TTBK2: variants seen among roughly 807,000 people sequenced by gnomAD.
TTBK2 encodes tau-tubulin kinase 2.
A neutral mutation model predicts 110.8 loss-of-function variants in TTBK2; 28 were observed. The ratio of observed to expected loss-of-function variants is 0.25; its 90% CI spans 0.19 to 0.35. The LOEUF (loss-of-function observed/expected upper bound fraction) is 0.35, where lower values mean the gene tolerates loss of function less well. Ranked by LOEUF, TTBK2 falls within the 10% of genes least tolerant of loss-of-function variation. TTBK2 has a pLI of 1.00. For missense variants in TTBK2, 1,369 were observed against 1,500.3 expected (o/e 0.91, Z 1.45); for synonymous variants, 532 against 527.3 (o/e 1.01, Z -0.12).
rs1232046249 is a variant in TTBK2 at position 42,742,577 on chromosome 15, G to A, written c.*3218C>T. 1 of 152,196 alleles carries A rather than the reference G, an allele frequency of 6.6e-6. No homozygotes were observed. Among genetic ancestry groups the A allele is most frequent in the African/African-American group, 2.4e-5 (1 of 41,432 alleles). The allele number at this position is 152,196 out of a possible 1,614,324, so 9.4% of individuals were successfully genotyped here. On this transcript the variant is annotated 3_prime_UTR_variant, in exon 15 of 15. Transcript: ENST00000267890. Reference sequence around the variant, plus strand: ...GAGAAATGCTACCTAAAGTGATTGAGCTGTTGCTAATTCTACCTTCTGTTC... The same window carrying A: ...GAGAAATGCTACCTAAAGTGATTGAACTGTTGCTAATTCTACCTTCTGTTC...
Position 42,746,090 on chromosome 15 carries a change from G to A in TTBK2, c.3440C>T (p.Pro1147Leu). ...AGGAGAGGCACTGGGACTCCTGCGA[G>A]GGACAACTGGACTCTTGGGTGGTGT... ...PKTPPKSPVV[P>L]RRSPSASPRS... Residue 1147 changes from proline (P) to leucine (L), a missense_variant, in exon 15 of 15, where the codon CCT becomes CTT. Coordinates refer to ENST00000267890, the MANE Select transcript of TTBK2 (RefSeq NM_173500.4). The A allele has an allele frequency of 6.2e-7, 1 of 1,614,168 alleles. No individual in the cohort carries two copies. Among genetic ancestry groups the A allele is most frequent in the Non-Finnish European group, 8.5e-7 (1 of 1,180,042 alleles).
rs1224834191 is a variant in TTBK2, at chr15:42,801,384, A to C, written c.823-6583T>G. The C allele has an allele frequency of 2.2e-6, 3 of 1,338,300 alleles. No homozygotes were observed. The African/African-American group carries it at 4.3e-5, about 19-fold the overall frequency. The allele number at this position is 1,338,300 out of a possible 1,614,324, so 82.9% of individuals were successfully genotyped here. On this transcript the variant is annotated intron_variant, in intron 9 of 14. Coordinates refer to ENST00000267890, the MANE Select transcript of TTBK2 (RefSeq NM_173500.4). ...CTTGGCATTGGCATCCTTAATGGCT[A>C]GCTCCCCACGCTGCTCGGTATCTGC...
chr15:42,771,268 C>T (rs1404179272), intron 13 of TTBK2, among the ~76,000 whole-genome samples: 1 of 152,020 alleles, frequency 6.6e-6, no homozygotes, highest in Non-Finnish European at 1.5e-5. Flanking sequence ...CCACCACGCC[C>T]GGCCTGAAGC....
intron 13 of TTBK2, among the ~76,000 whole-genome samples, chr15:42,757,469 G>A (rs2061964460): frequency 6.6e-6 from 1 of 152,188 alleles, no homozygotes; most frequent in South Asian, 2.1e-4. Context: ...AGAAGTCATA[G>A]ATAGGACTTC....
chr15:42,755,593 T>C (rs2061935424), intron 13 of TTBK2, among the ~76,000 whole-genome samples: 1 of 152,180 alleles, frequency 6.6e-6, no homozygotes, highest in African/African-American at 2.4e-5. Context: ...GACAGGCAAT[T>C]TGGGTTTAGA....
chr15:42,769,415 A>G (rs953493936), intron 13 of TTBK2, among the ~76,000 whole-genome samples: 5 of 152,218 alleles, frequency 3.3e-5, no homozygotes, highest in African/African-American at 1.2e-4. Flanking sequence ...CAAACTTACA[A>G]GACAAAAACA....
intron 13 of TTBK2, among the ~76,000 whole-genome samples, chr15:42,758,484 C>T (rs891296086): frequency 2.6e-5 from 4 of 151,816 alleles, no homozygotes; most frequent in Non-Finnish European, 4.4e-5. Context: ...GCAGAAACCC[C>T]GTTTCTACTA....
intron 13 of TTBK2, among the ~76,000 whole-genome samples, chr15:42,765,255 C>T (rs552077817): frequency 1.7e-4 from 26 of 152,160 alleles, no homozygotes; most frequent in Non-Finnish European, 3.1e-4. Context: ...CAAAGCTGGA[C>T]GGAGAATGAA....
chr15:42,865,852 A>T (rs1595999796), intron 3 of TTBK2, among the ~76,000 whole-genome samples: 1 of 152,338 alleles, frequency 6.6e-6, no homozygotes, highest in African/African-American at 2.4e-5. Context: ...ACAAAGAACA[A>T]GACAACAGAT....
chr15:42,840,440 A>T lies in TTBK2; in HGVS notation c.218-7T>A. 1 of 1,612,032 alleles carries T rather than the reference A, an allele frequency of 6.2e-7. No individual in the cohort carries two copies. The highest frequency in any genetic ancestry group is 8.5e-7 in the Non-Finnish European group (1 of 1,178,148). The stretch of plus-strand genomic sequence containing the variant: ...CTACAAACATGGTCTTTCCCTGGAT[A>T]AAAAAAGAAAACAGTGGAAAAGAAT... On this transcript the variant is annotated splice_polypyrimidine_tract_variant and splice_region_variant and intron_variant, in intron 3 of 14. Transcript: ENST00000267890.
At chr15:42,747,888 G>GA (rs2061817249) in intron 14 of TTBK2, among the ~76,000 whole-genome samples, 1 of 151,924 alleles carries the variant, frequency 6.6e-6, no homozygotes, top group South Asian at 2.1e-4. Flanking sequence ...TAACTACTTG[G>GA]AAAAAAACTT....
chr15:42,750,026 CA>C (rs2061844254), intron 14 of TTBK2, among the ~76,000 whole-genome samples: 1 of 151,820 alleles, frequency 6.6e-6, no homozygotes, highest in Non-Finnish European at 1.5e-5. Flanking sequence ...TTAGAGGCTG[CA>C]ATAAGTCATG....
In TTBK2 at chr15:42,897,746, T is replaced by G. The variant is rs139819922; in HGVS notation, c.-67-19062A>C. On this transcript the variant is annotated intron_variant, in intron 1 of 14. Transcript: ENST00000267890. ...CAAGACAGGAGACAATGATAAAAAT[T>G]TGCAAGTTGGACAGAAGATGTACAA... 2.4e-3 allele frequency among the ~76,000 whole-genome samples: 369 copies of G among 151,392 alleles called. 2 individuals carry two copies. The highest frequency in any genetic ancestry group is 8.5e-3 in the African/African-American group (349 of 41,216).
In TTBK2 at chr15:42,834,183, CA is replaced by C. The variant is rs1261600493; in HGVS notation, c.292-4106del. Among the ~76,000 whole-genome samples the C allele has an allele frequency of 9.4e-3, 367 of 38,990 alleles. 1 individual carries two copies. The highest frequency in any genetic ancestry group is 0.017 in the Middle Eastern group (1 of 58). 25.6% of individuals were successfully genotyped at this position (38,990 alleles called of 152,430 possible). A position where few individuals can be genotyped will look rare whatever the true frequency, so the allele number is the denominator to read the frequency against. On this transcript the variant is annotated intron_variant, in intron 4 of 14. Coordinates refer to ENST00000267890, the MANE Select transcript of TTBK2 (RefSeq NM_173500.4). ...CTCCAACCAGAGCAAGACCCCATCT[CA>C]AAAAAAAAAAAAGGGGGGGGGTGTA...
intron 1 of TTBK2, among the ~76,000 whole-genome samples, chr15:42,886,390 C>G (rs1426856251): frequency 6.6e-6 from 1 of 152,158 alleles, no homozygotes; most frequent in Non-Finnish European, 1.5e-5. Context: ...AAGGTTAATG[C>G]TCCTTTTTTC....
At chr15:42,788,098 A>G (rs1890487328) in intron 10 of TTBK2, among the ~76,000 whole-genome samples, 1 of 152,038 alleles carries the variant, frequency 6.6e-6, no homozygotes, top group African/African-American at 2.4e-5. Flanking sequence ...CAGTATTGTA[A>G]TCTTATAGGA....
At chr15:42,816,983 T>C in intron 7 of TTBK2, 49 bp downstream of exon 7, 7 of 1,255,990 alleles carry the variant, frequency 5.6e-6, no homozygotes, top group Non-Finnish European at 7.5e-6. Context: ...CAATCTGATT[T>C]AAGCTATTAG....
At chr15:42,831,004 CA>C (rs199953624) in intron 4 of TTBK2, among the ~76,000 whole-genome samples, 17 of 139,880 alleles carry the variant, frequency 1.2e-4, no homozygotes, top group Non-Finnish European at 7.7e-5. Context: ...GACTCCATCT[CA>C]AAAAAAAAAT....
At chr15:42,888,077 AAAC>A (rs2141156890) in intron 1 of TTBK2, among the ~76,000 whole-genome samples, 1 of 152,208 alleles carries the variant, frequency 6.6e-6, no homozygotes, top group African/African-American at 2.4e-5. Flanking sequence ...CTTTCTGTCC[AAAC>A]AACTTGACCT....
Sources: gnomAD v4.1 joint callset for allele counts (sites outside exome capture counted in the v4.1 genomes callset) on GRCh38, gnomAD v4.1.1 for gene constraint, MANE v1.5 for transcripts, NCBI Gene and HGNC (gene_info 2026-07-23, HGNC 2026-07-21) for gene names.